The following OXR1 variants were observed in gnomAD, a reference collection of about 807,000 sequenced individuals.
OXR1 encodes oxidation resistance protein 1.
In OXR1, 41 loss-of-function variants were observed where a neutral mutation model predicts 104.6. That is an observed-to-expected ratio of 0.39 (90% CI 0.31 to 0.51). The LOEUF (loss-of-function observed/expected upper bound fraction) is 0.51, where lower values mean the gene tolerates loss of function less well. Among genes scored for constraint, OXR1 ranks in the 20% least tolerant of loss-of-function variants. The pLI, the probability that OXR1 is intolerant of heterozygous loss-of-function variation, is 0.77. For synonymous variants in OXR1, 348 were observed against 348.4 expected (o/e 1.00, Z 0.01); for missense variants, 955 against 1,031.9 (o/e 0.93, Z 1.02).
intron 2 of OXR1, chr8:106,448,015 G>C (rs1412811857): frequency 6.5e-7 from 1 of 1,535,798 alleles, no homozygotes. Flanking sequence ...CTGCCTGCCT[G>C]CACAGAAATG....
intron 2 of OXR1, among the ~76,000 whole-genome samples, chr8:106,377,886 A>G (rs1409753717): frequency 6.6e-6 from 1 of 152,152 alleles, no homozygotes; most frequent in East Asian, 1.9e-4. Context: ...TGTTGAAATT[A>G]TGGTGATAAC....
intron 2 of OXR1, 39 bp from the exon 3 acceptor site, chr8:106,518,904 G>A: frequency 7.0e-7 from 1 of 1,420,984 alleles, no homozygotes; most frequent in South Asian, 1.3e-5. Context: ...TGTGTCTCTA[G>A]AATCAGGATT....
intron 1 of OXR1, among the ~76,000 whole-genome samples, chr8:106,290,415 C>T (rs1416619185): frequency 1.3e-5 from 2 of 152,094 alleles, no homozygotes; most frequent in Non-Finnish European, 2.9e-5. Context: ...TGCTAAGTCC[C>T]AAAAAGCAAT....
intron 2 of OXR1, among the ~76,000 whole-genome samples, chr8:106,499,951 T>C (rs1811674753): frequency 6.6e-6 from 1 of 152,150 alleles, no homozygotes; most frequent in Non-Finnish European, 1.5e-5. Flanking sequence ...CGCTGAGAAG[T>C]GAATGCTAAA....
intron 7 of OXR1, chr8:106,697,630 G>A (rs895398116): frequency 2.2e-5 from 36 of 1,613,530 alleles, no homozygotes; most frequent in African/African-American, 9.3e-5. Context: ...ATTCCTCAGC[G>A]TCCGCTGCAC....
chr8:106,607,780 G>A (rs1046683688), intron 3 of OXR1, among the ~76,000 whole-genome samples: 2 of 151,920 alleles, frequency 1.3e-5, no homozygotes, highest in Admixed American at 6.6e-5. Flanking sequence ...CTAGCAGGTC[G>A]ATGTTATTTC....
At chr8:106,551,825 CACAT>C (rs33966278) in intron 3 of OXR1, among the ~76,000 whole-genome samples, 21 of 138,974 alleles carry the variant, frequency 1.5e-4, no homozygotes, top group South Asian at 4.4e-4. Flanking sequence ...CACACACACA[CACAT>C]ATATATATGT....
intron 2 of OXR1, among the ~76,000 whole-genome samples, chr8:106,456,138 A>G (rs575091863): frequency 1.3e-5 from 2 of 152,192 alleles, no homozygotes; most frequent in African/African-American, 4.8e-5. Context: ...TAAATAAAAA[A>G]CTTTTTAAAA....
At chr8:106,276,948 T>G (rs533688015) in intron 1 of OXR1, among the ~76,000 whole-genome samples, 1 of 152,278 alleles carries the variant, frequency 6.6e-6, no homozygotes, top group South Asian at 2.1e-4. Context: ...GATGTATTTT[T>G]TGATGATCAG....
At chr8:106,385,901 A>C (rs1817351856) in intron 2 of OXR1, among the ~76,000 whole-genome samples, 1 of 152,210 alleles carries the variant, frequency 6.6e-6, no homozygotes, top group Non-Finnish European at 1.5e-5. Context: ...CACATTTTTA[A>C]GAGTCCTTTA....
chr8:106,327,218 G>T (rs1287627458), intron 1 of OXR1, among the ~76,000 whole-genome samples: 1 of 152,110 alleles, frequency 6.6e-6, no homozygotes, highest in Non-Finnish European at 1.5e-5. Context: ...AAAAGCAAAT[G>T]AACTACTTTG....
chr8:106,482,446 A>G (rs575486034), intron 2 of OXR1, among the ~76,000 whole-genome samples: 3 of 149,964 alleles, frequency 2.0e-5, no homozygotes, highest in East Asian at 2.0e-4. Flanking sequence ...AATCCCATCC[A>G]TGGCCCCTGC....
At chr8:106,417,769 A>C (rs1383771953) in intron 2 of OXR1, among the ~76,000 whole-genome samples, 1 of 152,154 alleles carries the variant, frequency 6.6e-6, no homozygotes, top group Non-Finnish European at 1.5e-5. Context: ...TTGTTCAGTC[A>C]GGGTCCCAAC....
intron 2 of OXR1, among the ~76,000 whole-genome samples, chr8:106,380,866 A>G (rs191999914): frequency 6.6e-6 from 1 of 152,292 alleles, no homozygotes; most frequent in Non-Finnish European, 1.5e-5. Context: ...CCCTTATCAG[A>G]TATATGATTT....
intron 2 of OXR1, among the ~76,000 whole-genome samples, chr8:106,424,066 A>G (rs1485049299): frequency 6.6e-6 from 1 of 152,026 alleles, no homozygotes; most frequent in African/African-American, 2.4e-5. Flanking sequence ...CCTCCCAAGT[A>G]GCTGGGACTA....
At chr8:106,403,689 C>A (rs1174062162) in intron 2 of OXR1, among the ~76,000 whole-genome samples, 1 of 152,184 alleles carries the variant, frequency 6.6e-6, no homozygotes, top group African/African-American at 2.4e-5. Context: ...CTGTTGACCA[C>A]CTTTTGGTTC....
At chr8:106,679,505 T>G (rs1318654779) in intron 4 of OXR1, among the ~76,000 whole-genome samples, 9 of 152,008 alleles carry the variant, frequency 5.9e-5, no homozygotes, top group Admixed American at 5.9e-4. Flanking sequence ...CCTAGAAAAT[T>G]TAATTTAATA....
chr8:106,494,279 T>C (rs763291952), intron 2 of OXR1, among the ~76,000 whole-genome samples: 3 of 152,192 alleles, frequency 2.0e-5, no homozygotes, highest in Non-Finnish European at 4.4e-5. Flanking sequence ...TTTTGCAGTA[T>C]TAAGATTTTA....
intron 2 of OXR1, among the ~76,000 whole-genome samples, chr8:106,509,844 T>C (rs546627026): frequency 6.6e-6 from 1 of 152,318 alleles, no homozygotes; most frequent in African/African-American, 2.4e-5. Context: ...AGATCTCAGC[T>C]CACTGAGCCT....
Sources: allele counts gnomAD v4.1 joint callset (sites outside exome capture counted in the v4.1 genomes callset), GRCh38; gene constraint gnomAD v4.1.1; transcripts MANE v1.5; gene names NCBI Gene and HGNC (gene_info 2026-07-23, HGNC 2026-07-21).